Variants in ADGRL2 observed in about 807,000 individuals in gnomAD.
The protein encoded by ADGRL2 is adhesion G protein-coupled receptor L2.
ADGRL2 carries 44 observed loss-of-function variants against 157.4 expected under a neutral mutation model. The ratio of observed to expected loss-of-function variants is 0.28; its 90% CI spans 0.22 to 0.36. The LOEUF is 0.36. Among genes scored for constraint, ADGRL2 ranks in the 10% least tolerant of loss-of-function variants. The pLI, the probability that ADGRL2 is intolerant of heterozygous loss-of-function variation, is 1.00. For missense variants in ADGRL2, 1,510 were observed against 1,768.9 expected (o/e 0.85, Z 2.63); for synonymous variants, 585 against 624.7 (o/e 0.94, Z 0.95).
At chr1:81,452,892 G>C (rs2077728428) in intron 2 of ADGRL2, among the ~76,000 whole-genome samples, 1 of 152,140 alleles carries the variant, frequency 6.6e-6, no homozygotes, top group African/African-American at 2.4e-5. Context: ...GGGAACTCAA[G>C]AGGACAATCA....
intron 2 of ADGRL2, among the ~76,000 whole-genome samples, chr1:81,535,799 A>G (rs2079721745): frequency 6.6e-6 from 1 of 152,228 alleles, no homozygotes; most frequent in South Asian, 2.1e-4. Context: ...TGCAAAGAAC[A>G]TTGAATTAGA....
At chr1:81,810,778 A>G (rs1028037054) in intron 1 of ADGRL2, among the ~76,000 whole-genome samples, 1 of 151,938 alleles carries the variant, frequency 6.6e-6, no homozygotes, top group Non-Finnish European at 1.5e-5. Context: ...CTCCAATATT[A>G]AAGAGATGAG....
At chr1:81,662,907 C>T (rs2082682112) in intron 3 of ADGRL2, among the ~76,000 whole-genome samples, 1 of 152,134 alleles carries the variant, frequency 6.6e-6, no homozygotes, top group African/African-American at 2.4e-5. Context: ...TCCCCACCTT[C>T]CGCACTGCTT....
chr1:81,622,291 C>T (rs1052544134), intron 3 of ADGRL2, among the ~76,000 whole-genome samples: 11 of 152,052 alleles, frequency 7.2e-5, no homozygotes, highest in African/African-American at 2.2e-4. Context: ...TTAAAACCTA[C>T]GTTTTTTTTG....
chr1:81,990,978 A>ATT lies in ADGRL2; in HGVS notation c.4245_4246dup (p.Tyr1416PhefsTer30). 1 of 1,614,102 alleles carries ATT rather than the reference A, an allele frequency of 6.2e-7. No individual in the cohort carries two copies. Among genetic ancestry groups the ATT allele is most frequent in the Non-Finnish European group, 8.5e-7 (1 of 1,179,994 alleles). On this transcript the variant is annotated frameshift_variant, in exon 24 of 24. Transcript: ENST00000686636. LOFTEE classifies it high-confidence loss of function. ...CTCCAGGAGGAGTGAGAATGAGGAC[A>ATT]TTTACTATAAAAGCATGCCAAATCT... is the stretch of plus-strand genomic sequence containing the variant.
intron 1 of ADGRL2, among the ~76,000 whole-genome samples, chr1:81,761,332 T>C (rs1571109562): frequency 6.6e-6 from 1 of 151,990 alleles, no homozygotes; most frequent in South Asian, 2.1e-4. Flanking sequence ...AGCCATTATA[T>C]AGTTTTAACA....
intron 1 of ADGRL2, among the ~76,000 whole-genome samples, chr1:81,710,599 G>A (rs1405995251): frequency 1.4e-5 from 2 of 142,972 alleles, no homozygotes; most frequent in African/African-American, 5.2e-5. Flanking sequence ...CAGCCTGGGT[G>A]ACAGAGAGAG....
At chr1:81,517,924 T>C (rs2148138618) in intron 2 of ADGRL2, among the ~76,000 whole-genome samples, 1 of 152,366 alleles carries the variant, frequency 6.6e-6, no homozygotes, top group East Asian at 1.9e-4. Flanking sequence ...AATTTCAGCA[T>C]CAGTGAATTA....
chr1:81,553,546 A>G (rs558162642), intron 2 of ADGRL2, among the ~76,000 whole-genome samples: 38 of 152,308 alleles, frequency 2.5e-4, no homozygotes, highest in Non-Finnish European at 4.3e-4. Context: ...ATATGCCTTA[A>G]TCTGGCATGC....
At chr1:81,783,108 T>C (rs1304545656) in intron 2 of ADGRL2, among the ~76,000 whole-genome samples, 1 of 152,166 alleles carries the variant, frequency 6.6e-6, no homozygotes, top group Admixed American at 6.5e-5. Flanking sequence ...ACTTTGCCTG[T>C]ATTCACCTTT....
intron 2 of ADGRL2, among the ~76,000 whole-genome samples, chr1:81,445,841 T>C (rs1461610233): frequency 6.6e-6 from 1 of 152,176 alleles, no homozygotes; most frequent in Non-Finnish European, 1.5e-5. Context: ...CTTTCAAGAG[T>C]TGTGGCATAG....
At chr1:81,335,816 G>A (rs1329574065) in intron 1 of ADGRL2, among the ~76,000 whole-genome samples, 1 of 149,322 alleles carries the variant, frequency 6.7e-6, no homozygotes, top group Non-Finnish European at 1.5e-5. Flanking sequence ...GTACCACGCA[G>A]TAGGGCTATA....
chr1:81,597,545 C>T (rs1409799143), intron 3 of ADGRL2, among the ~76,000 whole-genome samples: 3 of 152,094 alleles, frequency 2.0e-5, no homozygotes, highest in African/African-American at 4.8e-5. Flanking sequence ...CTCATAATAA[C>T]CATATGGATA....
chr1:81,509,629 A>G (rs1320224665), intron 2 of ADGRL2, among the ~76,000 whole-genome samples: 2 of 152,224 alleles, frequency 1.3e-5, no homozygotes, highest in Non-Finnish European at 2.9e-5. Context: ...AAAAACATGA[A>G]TGAGAAAAGG....
chr1:81,561,797 T>C (rs1002472846), intron 2 of ADGRL2, among the ~76,000 whole-genome samples: 1 of 152,102 alleles, frequency 6.6e-6, no homozygotes, highest in Non-Finnish European at 1.5e-5. Context: ...CTGATATCAC[T>C]TTGATTATAG....
chr1:81,359,996 AG>A (rs937774286), intron 1 of ADGRL2, among the ~76,000 whole-genome samples: 2 of 152,020 alleles, frequency 1.3e-5, no homozygotes, highest in Non-Finnish European at 2.9e-5. Context: ...CACAGCAGCC[AG>A]GGTGATCATT....
chr1:81,631,011 T>C (rs565658731), intron 3 of ADGRL2, among the ~76,000 whole-genome samples: 1 of 152,264 alleles, frequency 6.6e-6, no homozygotes, highest in East Asian at 1.9e-4. Context: ...AATACATTAA[T>C]ACTAAAGAAC....
At chr1:81,831,683 T>C (rs886962279) in intron 1 of ADGRL2, among the ~76,000 whole-genome samples, 3 of 152,098 alleles carry the variant, frequency 2.0e-5, no homozygotes, top group African/African-American at 7.2e-5. Flanking sequence ...CTACCTAGTT[T>C]AGCTGTAATT....
intron 2 of ADGRL2, among the ~76,000 whole-genome samples, chr1:81,509,081 C>T (rs2079030039): frequency 6.6e-6 from 1 of 152,170 alleles, no homozygotes; most frequent in South Asian, 2.1e-4. Flanking sequence ...TTCCTTTCAA[C>T]CACTGCCACA....
Sources: allele counts gnomAD v4.1 joint callset (sites outside exome capture counted in the v4.1 genomes callset), GRCh38; gene constraint gnomAD v4.1.1; transcripts MANE v1.5; gene names NCBI Gene and HGNC (gene_info 2026-07-23, HGNC 2026-07-21).